Variants in MFSD6L observed in about 807,000 individuals in gnomAD.
MFSD6L encodes the protein major facilitator superfamily domain-containing protein 6-like.
In MFSD6L, 9 loss-of-function variants were observed where a neutral mutation model predicts 6.4. The ratio of observed to expected loss-of-function variants is 1.42; its 90% CI spans 0.85 to 2.47. MFSD6L has a LOEUF of 2.47. MFSD6L is among the 30% of genes most tolerant of loss of function. The pLI is 0.00. For missense variants in MFSD6L, 747 were observed against 730.6 expected, an observed-to-expected ratio of 1.02 and a Z score of -0.26; for synonymous variants, 336 against 322.4, an observed-to-expected ratio of 1.04 and a Z score of -0.45.
rs768471226 is a variant in MFSD6L at position 8,798,030 on chromosome 17, C to T, written c.1091G>A (p.Gly364Asp). The T allele has an allele frequency of 1.1e-5, 17 of 1,613,756 alleles. No individual in the cohort carries two copies. Among genetic ancestry groups the T allele is most frequent in the Middle Eastern group, 1.6e-4 (1 of 6,084 alleles). ...GGCGAGGAGAATGAGGTGGGGGTCACCCCCCACAATGGACAGTGCTTTGAC... is the reference window on the plus strand; with the variant it reads ...GGCGAGGAGAATGAGGTGGGGGTCATCCCCCACAATGGACAGTGCTTTGAC... ...KRVKALSIVG[G>D]DPHLILLAST... Residue 364 changes from glycine (G) to aspartate (D), a missense_variant, in exon 1 of 1, where the codon GGT (glycine) becomes GAT (aspartate). Gly to Asp is a moderately conservative substitution (Grantham distance 94). Transcript: ENST00000329805.
At position 8,798,174 on chromosome 17, in the gene MFSD6L, C is replaced by T. The variant is rs780126728; in HGVS notation, c.947G>A (p.Ser316Asn). 1 of 1,613,332 alleles carries T rather than the reference C, an allele frequency of 6.2e-7. No individual in the cohort carries two copies. Among genetic ancestry groups the T allele is most frequent in the Non-Finnish European group, 8.5e-7 (1 of 1,180,000 alleles). The change falls in exon 1 of 1, where the codon AGT (serine) becomes AAT (asparagine). Residue 316 changes from serine to asparagine, a missense_variant. By Grantham distance (46) the Ser-to-Asn change is conservative (BLOSUM62 1). Coordinates refer to ENST00000329805, the MANE Select transcript of MFSD6L (RefSeq NM_152599.4). Reference sequence around the variant, plus strand: ...GAAGTGGACCACACCTCGGGGGCCACTGGTCATCAGGAAGCAGTCCAGCTG... The same window carrying T: ...GAAGTGGACCACACCTCGGGGGCCATTGGTCATCAGGAAGCAGTCCAGCTG... ...VGQLDCFLMT[S>N]GPRGVVHFYG... is the part of the protein sequence containing the mutation.
chr17:8,798,152 G>A lies in MFSD6L; in HGVS notation c.969C>T (p.His323=), dbSNP rs750059073. Residue 323 remains histidine, a synonymous_variant, in exon 1 of 1, where the codon CAC becomes CAT. Coordinates refer to ENST00000329805, the MANE Select transcript of MFSD6L (RefSeq NM_152599.4). ...TGCTGACCACCGAGTACCCATAGAA[G>A]TGGACCACACCTCGGGGGCCACTGG... is the stretch of plus-strand genomic sequence containing the variant. The part of the protein sequence containing the change: ...LMTSGPRGVV[H]FYGYSVVSTL... The A allele has an allele frequency of 4.3e-6, 7 of 1,613,718 alleles. No homozygotes were observed. The East Asian group carries it at 6.7e-5, about 15-fold the overall frequency.
At position 8,797,843 on chromosome 17, in the gene MFSD6L, C is replaced by G. The variant is rs1338566970; in HGVS notation, c.1278G>C (p.Arg426Ser). The G allele has an allele frequency of 1.2e-6, 2 of 1,613,600 alleles. No individual in the cohort carries two copies. Among genetic ancestry groups the G allele is most frequent in the Non-Finnish European group, 1.7e-6 (2 of 1,179,812 alleles). ...LLHPFKATLL[R>S]KLSRTGLVGL... is the part of the protein sequence containing the mutation. ...CCACCAGGCCCGTCCTGGACAGTTT[C>G]CTAAGCAATGTAGCTTTGAACGGAT... is the stretch of plus-strand genomic sequence containing the variant. The change falls in exon 1 of 1, where the codon AGG becomes AGC. Residue 426 changes from arginine to serine, a missense_variant. Transcript: ENST00000329805.
Position 8,799,078 on chromosome 17 carries a change from C to G in MFSD6L, c.43G>C (p.Val15Leu). Reference sequence around the variant, plus strand: ...CACACCAGGTGGAAGAGCTTGGCCACCCCCAGCGCCCTGCTGATGTCCCAC... The same window carrying G: ...CACACCAGGTGGAAGAGCTTGGCCAGCCCCAGCGCCCTGCTGATGTCCCAC... ...PRWDISRALG[V>L]AKLFHLVCGV... Residue 15 changes from valine (V) to leucine (L), a missense_variant, in exon 1 of 1, where the codon GTG (valine) becomes CTG (leucine). Physicochemically the swap from Val to Leu is conservative, Grantham distance 32. Coordinates refer to ENST00000329805, the MANE Select transcript of MFSD6L (RefSeq NM_152599.4). The surrounding 1 kb of genome is among the most constrained non-coding windows in gnomAD (Gnocchi z 5.3). 2 of 1,591,052 alleles carry G rather than the reference C, an allele frequency of 1.3e-6. No individual in the cohort carries two copies. Among genetic ancestry groups the G allele is most frequent in the Non-Finnish European group, 1.7e-6 (2 of 1,168,700 alleles).
In MFSD6L at chr17:8,797,762, G is replaced by T; in HGVS notation, c.1359C>A (p.Ser453Arg). Residue 453 changes from serine to arginine, a missense_variant, in exon 1 of 1, where the codon AGC (serine) becomes AGA (arginine). Coordinates refer to ENST00000329805, the MANE Select transcript of MFSD6L (RefSeq NM_152599.4). ...TCTGAATGGGGAGGACGGACCACCA[G>T]CTCCAGAGGAAAGAGTAGTACAGCA... ...GQLLYYSFLW[S>R]WWSVLPIQIL... The T allele has an allele frequency of 6.2e-7, 1 of 1,614,016 alleles. No individual in the cohort carries two copies. Among genetic ancestry groups the T allele is most frequent in the Non-Finnish European group, 8.5e-7 (1 of 1,180,028 alleles).
At position 8,797,872 on chromosome 17, in the gene MFSD6L, G is replaced by A. The variant is rs201568333; in HGVS notation, c.1249C>T (p.Leu417Phe). ...AGCAATGTAGCTTTGAACGGATGAA[G>A]CAGAATTTCCCCCAGCAAGCTGAGG... is the stretch of plus-strand genomic sequence containing the variant. Reference protein sequence around the residue: ...VALSLLGEILLHPFKATLLRK... With the variant: ...VALSLLGEILFHPFKATLLRK... Residue 417 changes from leucine to phenylalanine, a missense_variant, in exon 1 of 1, where the codon CTT becomes TTT. Transcript: ENST00000329805. 2.3e-5 allele frequency: 37 copies of A among 1,614,074 alleles called. No homozygotes were observed. The East Asian group carries it at 6.9e-4, about 30-fold the overall frequency.
Position 8,798,273 on chromosome 17 carries a change from C to T in MFSD6L, c.848G>A (p.Arg283Gln), listed in dbSNP as rs773754304. ...EFLDFVDATD[R>Q]YRSLWVWRLL... is the part of the protein sequence containing the mutation. ...CCTCCAGACCCACAGGCTTCTGTAT[C>T]GGTCAGTGGCATCCACAAAATCCAG... Residue 283 changes from arginine to glutamine, a missense_variant, in exon 1 of 1, where the codon CGA becomes CAA. Coordinates refer to ENST00000329805, the MANE Select transcript of MFSD6L (RefSeq NM_152599.4). 6 of 1,608,006 alleles carry T rather than the reference C, an allele frequency of 3.7e-6. No homozygotes were observed. The highest frequency in any genetic ancestry group is 4.5e-5 in the East Asian group (2 of 44,868).
At position 8,799,348 on chromosome 17, in the gene MFSD6L, C is replaced by A. The variant is rs111601587; in HGVS notation, c.-228G>T. 2 of 379,440 alleles carry A rather than the reference C, an allele frequency of 5.3e-6. No individual in the cohort carries two copies. Among genetic ancestry groups the A allele is most frequent in the Non-Finnish European group, 9.3e-6 (2 of 216,060 alleles). The allele number at this position is 379,440 out of a possible 1,614,324, so 23.5% of individuals were successfully genotyped here. ...AAGGGGCCCCGCCCGGAGGGAGAGG[C>A]GGGGCGGGGGCGAAGGTGGGGGCGG... On this transcript the variant is annotated 5_prime_UTR_variant, in exon 1 of 1. Transcript: ENST00000329805. This position sits in a 1 kb window ranked among gnomAD's most constrained non-coding sequence, Gnocchi z 5.3.
Position 8,797,455 on chromosome 17 carries a change from G to T in MFSD6L, c.1666C>A (p.Leu556Met), listed in dbSNP as rs765972482. 6.2e-7 allele frequency: 1 copy of T among 1,613,958 alleles called. No homozygotes were observed. Among genetic ancestry groups the T allele is most frequent in the Admixed American group, 1.7e-5 (1 of 60,018 alleles). ...GTGTCACTCACCTCCATGGACAGCA[G>T]CTTCGAGTACTTGATTTTCCGCTCT... is the stretch of plus-strand genomic sequence containing the variant. ...PRERKIKYSKLLSMEVSDTSD... is the reference protein window; with the variant it reads ...PRERKIKYSKMLSMEVSDTSD... The change falls in exon 1 of 1, where the codon CTG becomes ATG. Residue 556 changes from leucine (L) to methionine (M), a missense_variant. Leu to Met is a conservative substitution (Grantham distance 15). Transcript: ENST00000329805.
Position 8,798,865 on chromosome 17 carries a change from C to T in MFSD6L, c.256G>A (p.Gly86Ser). ...ATCAGCAGGCTGGCCCCCACCGAGCCGAGCAGGGAGCCGATCAGAAGCGCT... is the reference window on the plus strand; with the variant it reads ...ATCAGCAGGCTGGCCCCCACCGAGCTGAGCAGGGAGCCGATCAGAAGCGCT... ...RRALLIGSLLGSVGASLLMVL... is the reference protein window; with the variant it reads ...RRALLIGSLLSSVGASLLMVL... Residue 86 changes from glycine to serine, a missense_variant, in exon 1 of 1, where the codon GGC (glycine) becomes AGC (serine). By Grantham distance (56) the Gly-to-Ser change is moderately conservative. Coordinates refer to ENST00000329805, the MANE Select transcript of MFSD6L (RefSeq NM_152599.4). 1 of 1,614,042 alleles carries T rather than the reference C, an allele frequency of 6.2e-7. No individual in the cohort carries two copies. Among genetic ancestry groups the T allele is most frequent in the South Asian group, 1.1e-5 (1 of 91,080 alleles).
At position 8,798,315 on chromosome 17, in the gene MFSD6L, T is replaced by G; in HGVS notation, c.806A>C (p.Asp269Ala). The G allele has an allele frequency of 6.2e-7, 1 of 1,608,650 alleles. No individual in the cohort carries two copies. ...LTAPLEQVAD[D>A]SLYEFLDFVD... ...AAAATCCAGGAACTCATAAAGGCTGTCATCTGCCACCTGCTCCAGAGGCGC... is the reference window on the plus strand; with the variant it reads ...AAAATCCAGGAACTCATAAAGGCTGGCATCTGCCACCTGCTCCAGAGGCGC... The change falls in exon 1 of 1, where the codon GAC becomes GCC. Residue 269 changes from aspartate to alanine, a missense_variant. Coordinates refer to ENST00000329805, the MANE Select transcript of MFSD6L (RefSeq NM_152599.4).
rs865978653 is a variant in MFSD6L, at chr17:8,798,369, C to G, written c.752G>C (p.Gly251Ala). The G allele has an allele frequency of 1.9e-6, 3 of 1,612,526 alleles. No individual in the cohort carries two copies. The Middle Eastern group carries it at 5.0e-4, about 266-fold the overall frequency. Residue 251 changes from glycine (G) to alanine (A), a missense_variant, in exon 1 of 1, where the codon GGG becomes GCG. Physicochemically the swap from Gly to Ala is moderately conservative, Grantham distance 60 (BLOSUM62 0). Transcript: ENST00000329805. ...ALRRTFILSLGSVAFWELLTA... is the reference protein window; with the variant it reads ...ALRRTFILSLASVAFWELLTA... ...CAGCAGCTCCCAGAACGCCACGGACCCCAAGGAGAGGATAAAAGTCCGCCG... is the reference window on the plus strand; with the variant it reads ...CAGCAGCTCCCAGAACGCCACGGACGCCAAGGAGAGGATAAAAGTCCGCCG...
rs749727387 is a variant in MFSD6L at position 8,798,477 on chromosome 17, C to A, written c.644G>T (p.Gly215Val). The part of the protein sequence containing the change: ...VVKTALPLLP[G>V]GKGPGNPANL... ...GGCTGGATTCCCGGGCCCTTTCCCCCCAGGAAGCAAGGGGAGGGCTGTCTT... is the reference window on the plus strand; with the variant it reads ...GGCTGGATTCCCGGGCCCTTTCCCCACAGGAAGCAAGGGGAGGGCTGTCTT... Residue 215 changes from glycine to valine, a missense_variant, in exon 1 of 1, where the codon GGG becomes GTG. Gly to Val is a moderately radical substitution (Grantham distance 109, BLOSUM62 -3). Coordinates refer to ENST00000329805, the MANE Select transcript of MFSD6L (RefSeq NM_152599.4). 21 of 1,607,118 alleles carry A rather than the reference C, an allele frequency of 1.3e-5. 1 individual carries two copies. The highest frequency in any genetic ancestry group is 1.5e-5 in the Non-Finnish European group (18 of 1,175,878).
Position 8,798,026 on chromosome 17 carries a change from G to A in MFSD6L, c.1095C>T (p.Asp365=). The A allele has an allele frequency of 6.2e-7, 1 of 1,614,008 alleles. No homozygotes were observed. ...TGGAGGCGAGGAGAATGAGGTGGGG[G>A]TCACCCCCCACAATGGACAGTGCTT... The part of the protein sequence containing the change: ...RVKALSIVGG[D]PHLILLASTT... Residue 365 remains aspartate, a synonymous_variant, in exon 1 of 1, where the codon GAC becomes GAT. Coordinates refer to ENST00000329805, the MANE Select transcript of MFSD6L (RefSeq NM_152599.4).
Position 8,798,112 on chromosome 17 carries a change from C to A in MFSD6L, c.1009G>T (p.Val337Leu), listed in dbSNP as rs1307054076. ...ATGGGAATGGGAAAGGCAATGCTCA[C>A]CAGTAAGGCCAGGGTGCTGACCACC... ...YSVVSTLALL[V>L]SIAFPIPICQ... Residue 337 changes from valine to leucine, a missense_variant, in exon 1 of 1, where the codon GTG becomes TTG. Val to Leu is a conservative substitution (Grantham distance 32). Transcript: ENST00000329805. 6.2e-7 allele frequency: 1 copy of A among 1,614,034 alleles called. No homozygotes were observed. The highest frequency in any genetic ancestry group is 8.5e-7 in the Non-Finnish European group (1 of 1,180,002).
chr17:8,798,001 T>G lies in MFSD6L; in HGVS notation c.1120A>C (p.Thr374Pro), dbSNP rs144221048. Residue 374 changes from threonine to proline, a missense_variant, in exon 1 of 1, where the codon ACC (threonine) becomes CCC (proline). Physicochemically the swap from Thr to Pro is conservative, Grantham distance 38. Transcript: ENST00000329805. ...ACGATGGCTCCTACCAAAACAGTGG[T>G]GGAGGCGAGGAGAATGAGGTGGGGG... Reference protein sequence around the residue: ...GDPHLILLASTTVLVGAIVST... With the variant: ...GDPHLILLASPTVLVGAIVST... 8.0e-4 allele frequency: 1,286 copies of G among 1,613,532 alleles called. 7 individuals are homozygous for G. In the African/African-American group the frequency reaches 0.015, roughly 18 times the overall value.
rs2087026032 is a variant in MFSD6L, at chr17:8,799,261, C to G, written c.-141G>C. The stretch of plus-strand genomic sequence containing the variant: ...ACTGCGCCCCCGGTCTGGGGCGGCG[C>G]CGCGGTCACCAGGTCAACGGCCGCC... On this transcript the variant is annotated 5_prime_UTR_variant, in exon 1 of 1. Transcript: ENST00000329805. This position sits in a 1 kb window ranked among gnomAD's most constrained non-coding sequence, Gnocchi z 5.3. 3.0e-6 allele frequency: 2 copies of G among 667,578 alleles called. No individual in the cohort carries two copies. Among genetic ancestry groups the G allele is most frequent in the Non-Finnish European group, 4.5e-6 (2 of 448,246 alleles). 41.4% of individuals were successfully genotyped at this position (667,578 alleles called of 1,614,324 possible).
At position 8,798,906 on chromosome 17, in the gene MFSD6L, C is replaced by A; in HGVS notation, c.215G>T (p.Ser72Ile). The A allele has an allele frequency of 1.2e-6, 2 of 1,613,980 alleles. No individual in the cohort carries two copies. The highest frequency in any genetic ancestry group is 8.5e-7 in the Non-Finnish European group (1 of 1,179,930). Residue 72 changes from serine to isoleucine, a missense_variant, in exon 1 of 1, where the codon AGC becomes ATC. Ser to Ile is a moderately radical substitution (Grantham distance 142). Transcript: ENST00000329805. Reference sequence around the variant, plus strand: ...CAGAAGCGCTCTCCTTTTCCGGTAGCTTTTGGCCAGGAAGGCACAGACGGG... The same window carrying A: ...CAGAAGCGCTCTCCTTTTCCGGTAGATTTTGGCCAGGAAGGCACAGACGGG... ...WAPVCAFLAK[S>I]YRKRRALLIG...
In MFSD6L at chr17:8,799,027, G is replaced by T. The variant is rs2151155739; in HGVS notation, c.94C>A (p.Pro32Thr). 6.2e-7 allele frequency: 1 copy of T among 1,613,286 alleles called. No individual in the cohort carries two copies. Among genetic ancestry groups the T allele is most frequent in the Admixed American group, 1.7e-5 (1 of 59,956 alleles). ...TGCCTCAGGTAAAGGGTCAGGAACG[G>T]GGTCACGCAGGCTTCCCGCACCCCG... Reference protein sequence around the residue: ...VCGVREACVTPFLTLYLRQLG... With the variant: ...VCGVREACVTTFLTLYLRQLG... The change falls in exon 1 of 1, where the codon CCG becomes ACG. Residue 32 changes from proline (P) to threonine (T), a missense_variant. Coordinates refer to ENST00000329805, the MANE Select transcript of MFSD6L (RefSeq NM_152599.4). This position sits in a 1 kb window ranked among gnomAD's most constrained non-coding sequence, Gnocchi z 5.3.
Sources: gnomAD v4.1 joint callset for allele counts on GRCh38, gnomAD v4.1.1 for gene constraint, Gnocchi (gnomAD v3.1) non-coding constraint, MANE v1.5 for transcripts, NCBI Gene and HGNC (gene_info 2026-07-23, HGNC 2026-07-21) for gene names.